Variants in ABRAXAS1 observed in about 807,000 individuals in gnomAD.
The protein encoded by ABRAXAS1 is BRCA1-A complex subunit Abraxas 1.
A neutral mutation model predicts 38.4 loss-of-function variants in ABRAXAS1; 26 were observed. The observed-to-expected ratio is 0.68, with a 90% CI of 0.50 to 0.94. The LOEUF (loss-of-function observed/expected upper bound fraction) is 0.94, where lower values mean the gene tolerates loss of function less well. Among genes scored for constraint, ABRAXAS1 ranks in the 40% least tolerant of loss-of-function variants. ABRAXAS1 has a pLI of 0.00. For synonymous variants in ABRAXAS1, 144 were observed against 165.5 expected, an observed-to-expected ratio of 0.87 and a Z score of 1.00; for missense variants, 438 against 481.9, an observed-to-expected ratio of 0.91 and a Z score of 0.85.
At position 83,459,792 on chromosome 4, in the gene ABRAXAS1, T is replaced by C. The variant is rs1348216800; in HGVS notation, c.*2677A>G. ...ACTGGATGCATTTATGGAAGGCACA[T>C]TACAGGTATGTTCTTTTTTATTATG... On this transcript the variant is annotated 3_prime_UTR_variant, in exon 9 of 9. Transcript: ENST00000321945. 1.3e-6 allele frequency: 2 copies of C among 1,598,464 alleles called. No individual in the cohort carries two copies. The highest frequency in any genetic ancestry group is 1.7e-5 in the Admixed American group (1 of 58,826).
At chr4:83,470,077 T>A in intron 5 of ABRAXAS1, 126 bp downstream of exon 5, 1 of 654,572 alleles carries the variant, frequency 1.5e-6, no homozygotes, top group Non-Finnish European at 2.5e-6. Context: ...AAGATCTACT[T>A]CTGAAGGTTA....
Position 83,470,321 on chromosome 4 carries a change from T to A in ABRAXAS1, c.358A>T (p.Asn120Tyr). 1.9e-6 allele frequency: 3 copies of A among 1,613,904 alleles called. No homozygotes were observed. The highest frequency in any genetic ancestry group is 2.5e-6 in the Non-Finnish European group (3 of 1,179,878). Residue 120 changes from asparagine (N) to tyrosine (Y), a missense_variant, in exon 5 of 9, where the codon AAC becomes TAC. Asn to Tyr is a moderately radical substitution (Grantham distance 143). Around this residue, in one of 3 missense-constraint regions of ABRAXAS1, gnomAD observed 194 missense variants for 269.0 expected, o/e 0.72. Transcript: ENST00000321945. ...MTFRERLLHK[N>Y]LQEHFSNQDL... ...TGGTTTGAAAAATGCTCCTGCAAGT[T>A]TTTGTGAAGCAGCCTCTCTCTAAAC...
chr4:83,478,099 C>G (rs775892035), intron 2 of ABRAXAS1: 3 of 871,296 alleles, frequency 3.4e-6, no homozygotes, highest in Non-Finnish European at 5.8e-6. Context: ...AGCTACCAGT[C>G]TATGATTTTA....
intron 6 of ABRAXAS1, among the ~76,000 whole-genome samples, chr4:83,467,845 T>C (rs1476923468): frequency 6.6e-6 from 1 of 152,204 alleles, no homozygotes; most frequent in African/African-American, 2.4e-5. Context: ...AAAAAGTCTC[T>C]ATTGGCAATG....
chr4:83,463,090 TTC>T (rs1321070025), intron 8 of ABRAXAS1, among the ~76,000 whole-genome samples, 188 bp from the exon 9 acceptor site: 7 of 152,204 alleles, frequency 4.6e-5, no homozygotes, highest in Non-Finnish European at 8.8e-5. Flanking sequence ...TAAAGTTGTG[TTC>T]TTTCATGTCA....
In ABRAXAS1 at chr4:83,462,377, T is replaced by C. The variant is rs1722150206; in HGVS notation, c.*92A>G. 2 of 1,113,728 alleles carry C rather than the reference T, an allele frequency of 1.8e-6. No homozygotes were observed. Among genetic ancestry groups the C allele is most frequent in the African/African-American group, 1.6e-5 (1 of 63,978 alleles). 69.0% of individuals were successfully genotyped at this position (1,113,728 alleles called of 1,614,324 possible). ...TGAACATAGTAAAAACAAATGAACT[T>C]ACTGCAAGTAGCTCAACATAGTAAA... On this transcript the variant is annotated 3_prime_UTR_variant, in exon 9 of 9. Coordinates refer to ENST00000321945, the MANE Select transcript of ABRAXAS1 (RefSeq NM_139076.3).
rs1472919264 is a variant in ABRAXAS1, at chr4:83,462,213, A to T, written c.*256T>A. On this transcript the variant is annotated 3_prime_UTR_variant, in exon 9 of 9. Transcript: ENST00000321945. ...TGGTCTCACTTTTCCAATTCTAAAG[A>T]ATGTGTCTGTGTAAGCCTTCCCCTC... is the stretch of plus-strand genomic sequence containing the variant. The T allele has an allele frequency of 3.3e-5, 13 of 395,162 alleles. No individual in the cohort carries two copies. The highest frequency in any genetic ancestry group is 5.0e-5 in the Non-Finnish European group (11 of 222,166). The allele number at this position is 395,162 out of a possible 1,614,324, so 24.5% of individuals were successfully genotyped here.
At chr4:83,482,295 C>A in intron 1 of ABRAXAS1, 51 bp from the exon 2 acceptor site, 2 of 1,127,326 alleles carry the variant, frequency 1.8e-6, no homozygotes, top group South Asian at 1.3e-5. Context: ...AATTACTGTT[C>A]ACTTAACTAA....
intron 2 of ABRAXAS1, among the ~76,000 whole-genome samples, chr4:83,477,336 T>G (rs1353204075): frequency 6.6e-6 from 1 of 152,194 alleles, no homozygotes; most frequent in Admixed American, 6.5e-5. Context: ...CTTTTATTTT[T>G]TAATTTTTAA....
At chr4:83,472,078 G>A (rs1383777685) in intron 4 of ABRAXAS1, 144 bp downstream of exon 4, 1 of 447,204 alleles carries the variant, frequency 2.2e-6, no homozygotes, top group African/African-American at 2.1e-5. Flanking sequence ...CAATTTCTGG[G>A]AAGAACAAAC....
chr4:83,462,270 G>A lies in ABRAXAS1; in HGVS notation c.*199C>T, dbSNP rs1050830590. The A allele has an allele frequency of 1.3e-5, 7 of 543,112 alleles. No homozygotes were observed. Among genetic ancestry groups the A allele is most frequent in the African/African-American group, 9.6e-5 (5 of 52,258 alleles). The allele number at this position is 543,112 out of a possible 1,614,324, so 33.6% of individuals were successfully genotyped here. ...TTAGTGAAAGGTGAAAAAAAGGTTTGGAAATAAAAGCATCTGATGTTTGAA... is the reference window on the plus strand; with the variant it reads ...TTAGTGAAAGGTGAAAAAAAGGTTTAGAAATAAAAGCATCTGATGTTTGAA... On this transcript the variant is annotated 3_prime_UTR_variant, in exon 9 of 9. Transcript: ENST00000321945.
At chr4:83,473,947 C>T (rs1048892196) in intron 3 of ABRAXAS1, among the ~76,000 whole-genome samples, 4 of 151,330 alleles carry the variant, frequency 2.6e-5, no homozygotes, top group East Asian at 3.9e-4. Context: ...GCCTGGCCAA[C>T]GTGGCAAAAC....
At chr4:83,468,652 A>G (rs1722469432) in intron 6 of ABRAXAS1, among the ~76,000 whole-genome samples, 1 of 152,194 alleles carries the variant, frequency 6.6e-6, no homozygotes, top group South Asian at 2.1e-4. Context: ...CTAACCTAGA[A>G]TAGATATGCT....
At chr4:83,467,395 C>A in intron 7 of ABRAXAS1, 59 bp downstream of exon 7, 1 of 957,546 alleles carries the variant, frequency 1.0e-6, no homozygotes, top group South Asian at 1.4e-5. Flanking sequence ...AAATGTCAGT[C>A]ATTAACTTGA....
At chr4:83,470,474 A>C (rs919974076) in intron 4 of ABRAXAS1, 78 bp from the exon 5 acceptor site, 54 of 1,045,534 alleles carry the variant, frequency 5.2e-5, no homozygotes, top group Non-Finnish European at 7.1e-5. Context: ...AATAAAATAA[A>C]CAACCTTAAA....
In ABRAXAS1 at chr4:83,459,821, A is replaced by C. The variant is rs1446279568; in HGVS notation, c.*2648T>G. On this transcript the variant is annotated 3_prime_UTR_variant, in exon 9 of 9. Transcript: ENST00000321945. ...AGGTATGTTCTTTTTTATTATGGGA[A>C]TATAAATGTAGATACGAATTATATC... The C allele has an allele frequency of 7.8e-6, 12 of 1,528,714 alleles. No homozygotes were observed. The highest frequency in any genetic ancestry group is 9.0e-6 in the Non-Finnish European group (10 of 1,114,302). 94.7% of individuals were successfully genotyped at this position (1,528,714 alleles called of 1,614,324 possible). A position where few individuals can be genotyped will look rare whatever the true frequency, so the allele number is the denominator to read the frequency against.
rs778300694 is a variant in ABRAXAS1, at chr4:83,462,787, T to A, written c.912A>T (p.Arg304Ser). 3.7e-6 allele frequency: 6 copies of A among 1,613,920 alleles called. No individual in the cohort carries two copies. Among genetic ancestry groups the A allele is most frequent in the Admixed American group, 1.7e-5 (1 of 59,994 alleles). The change falls in exon 9 of 9, where the codon AGA (arginine) becomes AGT (serine). Residue 304 changes from arginine to serine, a missense_variant. Physicochemically the swap from Arg to Ser is moderately radical, Grantham distance 110. Transcript: ENST00000321945. ...AGTTACAGCTACTTTTAGAAACATG[T>A]CTATTTTTTAAAGACATAACACATG... The part of the protein sequence containing the change: ...LHSCVMSLKN[R>S]HVSKSSCNYN...
At chr4:83,482,962 T>C (rs1392646622) in intron 1 of ABRAXAS1, among the ~76,000 whole-genome samples, 1 of 152,184 alleles carries the variant, frequency 6.6e-6, no homozygotes, top group Non-Finnish European at 1.5e-5. Context: ...AAATCAAAGA[T>C]AAATAAGAAC....
rs1406974433 is a variant in ABRAXAS1 at position 83,467,553 on chromosome 4, C to T, written c.597-15G>A. 2.2e-6 allele frequency: 3 copies of T among 1,343,076 alleles called. No individual in the cohort carries two copies. The highest frequency in any genetic ancestry group is 1.8e-4 in the Middle Eastern group (1 of 5,530). The allele number at this position is 1,343,076 out of a possible 1,614,324, so 83.2% of individuals were successfully genotyped here. A position where few individuals can be genotyped will look rare whatever the true frequency, so the allele number is the denominator to read the frequency against. On this transcript the variant is annotated splice_polypyrimidine_tract_variant and intron_variant, in intron 6 of 8. Transcript: ENST00000321945. ...AAAATTTAGAGCTGTAAAAAATTAC[C>T]ATTTCCTCAGGCAAATACACAAAAC...
Sources: gnomAD v4.1 joint callset for allele counts (sites outside exome capture counted in the v4.1 genomes callset) on GRCh38, gnomAD v4.1.1 for gene constraint, gnomAD v4.1.1 regional missense constraint, MANE v1.5 for transcripts, NCBI Gene and HGNC (gene_info 2026-07-23, HGNC 2026-07-21) for gene names.